The following CLASP2 variants were observed in gnomAD, a reference collection of about 807,000 sequenced individuals.
CLASP2 encodes the protein cytoplasmic linker associated protein 2, also known as CLIP-associating protein 2.
CLASP2 carries 47 observed loss-of-function variants against 194.4 expected under a neutral mutation model. The ratio of observed to expected loss-of-function variants is 0.24; its 90% confidence interval spans 0.19 to 0.31. The LOEUF (loss-of-function observed/expected upper bound fraction) is 0.31. Ranked by LOEUF, CLASP2 falls within the 10% of genes least tolerant of loss-of-function variation. CLASP2 has a pLI of 1.00. For synonymous variants in CLASP2, 619 were observed against 633.5 expected (o/e 0.98, Z 0.34); for missense variants, 1,445 against 1,823.6 (o/e 0.79, Z 3.78).
intron 22 of CLASP2, among the ~76,000 whole-genome samples, chr3:33,583,785 A>C (rs1165000963): frequency 6.6e-6 from 1 of 152,062 alleles, no homozygotes; most frequent in African/African-American, 2.4e-5. Context: ...TAAAACAATA[A>C]AAAAAATTAT....
intron 23 of CLASP2, among the ~76,000 whole-genome samples, chr3:33,578,223 T>A (rs1167835028): frequency 2.0e-5 from 3 of 152,182 alleles, no homozygotes; most frequent in Non-Finnish European, 4.4e-5. Flanking sequence ...ATAACATAAA[T>A]TCTGCATTCA....
At chr3:33,624,850 T>C (rs2077720120) in intron 10 of CLASP2, among the ~76,000 whole-genome samples, 3 of 152,074 alleles carry the variant, frequency 2.0e-5, no homozygotes, top group Non-Finnish European at 4.4e-5. Flanking sequence ...TACATTTAAA[T>C]ATGTTAAAAG....
intron 8 of CLASP2, 119 bp from the exon 9 acceptor site, chr3:33,632,490 C>A: frequency 1.4e-6 from 1 of 692,676 alleles, no homozygotes; most frequent in South Asian, 2.3e-5. Context: ...AAGGGATATT[C>A]CATTTTATAA....
At chr3:33,699,227 A>C (rs2092192994) in intron 1 of CLASP2, among the ~76,000 whole-genome samples, 1 of 152,198 alleles carries the variant, frequency 6.6e-6, no homozygotes, top group African/African-American at 2.4e-5. Context: ...AAAGCATTCA[A>C]GAGCAGTGGG....
At position 33,607,451 on chromosome 3, in the gene CLASP2, C is replaced by T. The variant is rs370720523; in HGVS notation, c.1459G>A (p.Val487Ile). ...CCCTTTTTAATAGTTTCAACCAAGA[C>T]GGCTGCATGTCTATAAAATAAAATA... ...QTHSLERHAA[V>I]LVETIKKGIH... Residue 487 changes from valine to isoleucine, a missense_variant, in exon 15 of 39, where the codon GTC (valine) becomes ATC (isoleucine). Physicochemically the swap from Val to Ile is conservative, Grantham distance 29 (BLOSUM62 3). This residue lies in a region of CLASP2 where 207 missense variants were observed against 331.4 expected (regional missense o/e 0.62). Transcript: ENST00000682230. The T allele has an allele frequency of 1.5e-5, 24 of 1,605,904 alleles. No homozygotes were observed. Among genetic ancestry groups the T allele is most frequent in the South Asian group, 4.5e-5 (4 of 89,296 alleles).
intron 12 of CLASP2, among the ~76,000 whole-genome samples, chr3:33,615,432 GA>G (rs1020590736): frequency 7.6e-5 from 10 of 132,188 alleles, no homozygotes; most frequent in Admixed American, 7.3e-4. Context: ...CAAAATATAA[GA>G]AAAAAATACT....
At chr3:33,676,874 C>G (rs2088766286) in intron 6 of CLASP2, among the ~76,000 whole-genome samples, 1 of 152,058 alleles carries the variant, frequency 6.6e-6, no homozygotes, top group Non-Finnish European at 1.5e-5. Flanking sequence ...ACAAACAACC[C>G]CATCAAAAAG....
chr3:33,658,543 A>G (rs915681208), intron 7 of CLASP2, among the ~76,000 whole-genome samples: 4 of 152,242 alleles, frequency 2.6e-5, no homozygotes, highest in Admixed American at 2.6e-4. Context: ...TTGCTTCTTT[A>G]AATATTTTAT....
intron 13 of CLASP2, among the ~76,000 whole-genome samples, chr3:33,610,088 C>T (rs1170699945): frequency 6.6e-6 from 1 of 152,194 alleles, no homozygotes; most frequent in Non-Finnish European, 1.5e-5. Flanking sequence ...CAATTATCAA[C>T]ACAGTTCAAC....
chr3:33,638,936 C>T (rs549369887), intron 8 of CLASP2, among the ~76,000 whole-genome samples: 1 of 152,244 alleles, frequency 6.6e-6, no homozygotes, highest in East Asian at 1.9e-4. Context: ...AAATTTCAGT[C>T]AAAAAGTATA....
chr3:33,563,698 A>G (rs2062168546), intron 27 of CLASP2, among the ~76,000 whole-genome samples: 1 of 152,210 alleles, frequency 6.6e-6, no homozygotes, highest in Non-Finnish European at 1.5e-5. Flanking sequence ...GCAGCAGGGA[A>G]GATGTGGCCT....
At chr3:33,634,372 A>C (rs556238751) in intron 8 of CLASP2, among the ~76,000 whole-genome samples, 5 of 152,302 alleles carry the variant, frequency 3.3e-5, no homozygotes, top group Non-Finnish European at 7.4e-5. Context: ...ATAAAGGGCC[A>C]CACAGTAATA....
intron 1 of CLASP2, among the ~76,000 whole-genome samples, chr3:33,701,250 T>C (rs1422012992): frequency 6.7e-6 from 1 of 149,652 alleles, no homozygotes; most frequent in African/African-American, 2.6e-5. Flanking sequence ...ATATCAATAT[T>C]GAGTAAGAAA....
At chr3:33,618,967 T>C (rs1277962943) in intron 12 of CLASP2, among the ~76,000 whole-genome samples, 1 of 152,158 alleles carries the variant, frequency 6.6e-6, no homozygotes, top group Non-Finnish European at 1.5e-5. Flanking sequence ...TAGAGTGTAC[T>C]TGCATAAACC....
chr3:33,587,406 G>A (rs1225854533), intron 21 of CLASP2, among the ~76,000 whole-genome samples: 1 of 152,150 alleles, frequency 6.6e-6, no homozygotes, highest in African/African-American at 2.4e-5. Context: ...TTACAGGCGT[G>A]AGCCACCGCA....
intron 37 of CLASP2, 87 bp from the exon 38 acceptor site, chr3:33,501,855 G>T: frequency 2.4e-6 from 2 of 849,278 alleles, no homozygotes; most frequent in South Asian, 1.4e-5. Flanking sequence ...GCAGCTGAAA[G>T]ATGAAATCTC....
At chr3:33,684,825 C>T (rs56030005) in intron 5 of CLASP2, among the ~76,000 whole-genome samples, 15,293 of 151,074 alleles carry the variant, frequency 0.1, 1,146 homozygotes, top group East Asian at 0.24. Flanking sequence ...CATGGTGAAA[C>T]CCCGCCTCTA....
In CLASP2 at chr3:33,700,423, TCAAA is replaced by T. The variant is rs112494564; in HGVS notation, c.196-3494_196-3491del. On this transcript the variant is annotated intron_variant, in intron 1 of 38. Transcript: ENST00000682230. ...GCTGGCAACAAAGCAAGACACTGTC[TCAAA>T]CAAACAAACAAAAAAACCTTAAAAA... Among the ~76,000 whole-genome samples, 30 of 152,014 alleles carry T rather than the reference TCAAA, an allele frequency of 2.0e-4. No individual in the cohort carries two copies. In the East Asian group the frequency reaches 2.1e-3, roughly 11 times the overall value.
At chr3:33,698,553 A>G (rs2092135289) in intron 1 of CLASP2, among the ~76,000 whole-genome samples, 1 of 152,334 alleles carries the variant, frequency 6.6e-6, no homozygotes, top group Non-Finnish European at 1.5e-5. Flanking sequence ...TCTATGAAGC[A>G]CAAGAAAATA....
Sources: gnomAD v4.1 joint callset for allele counts (sites outside exome capture counted in the v4.1 genomes callset) on GRCh38, gnomAD v4.1.1 for gene constraint, gnomAD v4.1.1 regional missense constraint, MANE v1.5 for transcripts, NCBI Gene and HGNC (gene_info 2026-07-23, HGNC 2026-07-21) for gene names.